Variants in DCUN1D2 observed in about 807,000 individuals in gnomAD.
The protein encoded by DCUN1D2 is defective in cullin neddylation 1 domain containing 2.
DCUN1D2 carries 29 observed loss-of-function variants against 30.9 expected under a neutral mutation model. The ratio of observed to expected loss-of-function variants is 0.94; its 90% CI spans 0.70 to 1.28. DCUN1D2 has a LOEUF of 1.28. DCUN1D2 is among the 50% of genes most tolerant of loss of function. The probability of loss-of-function intolerance (pLI) is 0.00; values close to 1 mark genes in which losing one functional copy is unlikely to be tolerated. For missense variants in DCUN1D2, 325 were observed against 316.9 expected (o/e 1.03, Z -0.19); for synonymous variants, 121 against 115.3 (o/e 1.05, Z -0.32).
intron 3 of DCUN1D2, chr13:113,476,208 G>C (rs1357353622): frequency 6.6e-6 from 1 of 152,184 alleles, no homozygotes; most frequent in African/African-American, 2.4e-5. Flanking sequence ...CAACATACCT[G>C]TGAACGTACC....
At chr13:113,485,808 C>T (rs916432736) in intron 1 of DCUN1D2, among the ~76,000 whole-genome samples, 6 of 152,108 alleles carry the variant, frequency 3.9e-5, no homozygotes, top group Non-Finnish European at 7.4e-5. Flanking sequence ...AGGAGTCCCA[C>T]AGAACTACCT....
At chr13:113,489,525 C>A (rs1356653278) in intron 1 of DCUN1D2, among the ~76,000 whole-genome samples, 1 of 152,116 alleles carries the variant, frequency 6.6e-6, no homozygotes, top group Non-Finnish European at 1.5e-5. Context: ...ATTCTAGTGT[C>A]CTGGTTTCTC....
chr13:113,475,375 A>C (rs985999549), intron 3 of DCUN1D2: 5 of 152,298 alleles, frequency 3.3e-5, no homozygotes, highest in Non-Finnish European at 7.3e-5. Flanking sequence ...AGAACTGAGG[A>C]CAGTCACCTG....
intron 1 of DCUN1D2, among the ~76,000 whole-genome samples, chr13:113,484,612 T>G (rs2044769602): frequency 6.6e-6 from 1 of 152,236 alleles, no homozygotes; most frequent in South Asian, 2.1e-4. Flanking sequence ...CTGTTATGAT[T>G]AAATGGAAAC....
At chr13:113,491,504 C>T (rs2045045749), upstream of DCUN1D2, among the ~76,000 whole-genome samples, 1 of 151,262 alleles carries the variant, frequency 6.6e-6, no homozygotes, top group South Asian at 2.1e-4. Context: ...TTCCCTCCCT[C>T]CCTGGGGCTC....
At chr13:113,489,455 T>C (rs1035068313) in intron 1 of DCUN1D2, among the ~76,000 whole-genome samples, 20 of 152,322 alleles carry the variant, frequency 1.3e-4, no homozygotes, top group African/African-American at 4.3e-4. Flanking sequence ...AGCTGCTCTT[T>C]TGTTCAGCAC....
Position 113,483,828 on chromosome 13 carries a change from G to T in DCUN1D2, c.220+12C>A. ...CCGACATCCGTCCGGCTTTGCTGCA[G>T]TCTCCTCTTACCTTTGTACCTGCCG... On this transcript the variant is annotated intron_variant, in intron 2 of 6. Coordinates refer to ENST00000478244, the MANE Select transcript of DCUN1D2 (RefSeq NM_001014283.2). 6.2e-7 allele frequency: 1 copy of T among 1,609,640 alleles called. No individual in the cohort carries two copies. Among genetic ancestry groups the T allele is most frequent in the Non-Finnish European group, 8.5e-7 (1 of 1,178,192 alleles).
rs1004364150 is a variant in DCUN1D2 at position 113,456,124 on chromosome 13, G to C, written c.*1905C>G. ...GTTTTTGAGGTTTGTATTAATGCCA[G>C]TTTTTATTGTATTAGACAAATGCTC... is the stretch of plus-strand genomic sequence containing the variant. On this transcript the variant is annotated 3_prime_UTR_variant, in exon 7 of 7. Transcript: ENST00000478244. 4.5e-5 allele frequency: 18 copies of C among 398,304 alleles called. No homozygotes were observed. Among genetic ancestry groups the C allele is most frequent in the African/African-American group, 2.9e-4 (14 of 48,632 alleles). The allele number at this position is 398,304 out of a possible 1,614,324, so 24.7% of individuals were successfully genotyped here. A position where few individuals can be genotyped will look rare whatever the true frequency, so the allele number is the denominator to read the frequency against.
chr13:113,476,905 G>A (rs534885674), intron 3 of DCUN1D2, among the ~76,000 whole-genome samples: 71 of 152,212 alleles, frequency 4.7e-4, no homozygotes, highest in Non-Finnish European at 8.5e-4. Context: ...TTGAAAAACC[G>A]TCTTTCTCCA....
chr13:113,459,559 A>T (rs1414583379), intron 5 of DCUN1D2, 151 bp from the exon 6 acceptor site: 1 of 506,572 alleles, frequency 2.0e-6, no homozygotes, highest in African/African-American at 1.9e-5. Flanking sequence ...AGCGTTCTGT[A>T]TAAATGTTAA....
chr13:113,484,235 A>C (rs942191570), intron 1 of DCUN1D2, 179 bp from the exon 2 acceptor site: 1 of 1,353,798 alleles, frequency 7.4e-7, no homozygotes, highest in African/African-American at 1.5e-5. Context: ...TGTAACAAAC[A>C]GGCAGTCTAA....
chr13:113,465,870 C>T (rs113677961), intron 4 of DCUN1D2, among the ~76,000 whole-genome samples: 13 of 141,004 alleles, frequency 9.2e-5, no homozygotes, highest in African/African-American at 3.6e-4. Flanking sequence ...TATATATAGA[C>T]AGATATATAT....
chr13:113,457,964 A>T lies in DCUN1D2; in HGVS notation c.*65T>A. On this transcript the variant is annotated 3_prime_UTR_variant, in exon 7 of 7. Coordinates refer to ENST00000478244, the MANE Select transcript of DCUN1D2 (RefSeq NM_001014283.2). Reference sequence around the variant, plus strand: ...GGAATCAGCGACAATGCACCCAGGAACTGACTGCAATCTCCTTGCAGGATA... The same window carrying T: ...GGAATCAGCGACAATGCACCCAGGATCTGACTGCAATCTCCTTGCAGGATA... 7.0e-7 allele frequency: 1 copy of T among 1,423,088 alleles called. No individual in the cohort carries two copies. The highest frequency in any genetic ancestry group is 1.1e-5 in the South Asian group (1 of 87,210). The allele number at this position is 1,423,088 out of a possible 1,614,324, so 88.2% of individuals were successfully genotyped here.
chr13:113,466,801 ATTTTTTTTTTTTT>A (rs112063279), intron 4 of DCUN1D2, among the ~76,000 whole-genome samples: 1 of 109,798 alleles, frequency 9.1e-6, no homozygotes, highest in Non-Finnish European at 1.8e-5. Flanking sequence ...TGTCCTTTGG[ATTTTTTTTTTTTT>A]TTTTTTTTTT....
At chr13:113,458,236 T>G in intron 6 of DCUN1D2, 128 bp from the exon 7 acceptor site, 1 of 822,036 alleles carries the variant, frequency 1.2e-6, no homozygotes, top group East Asian at 2.5e-5. Flanking sequence ...ACCATTTGTG[T>G]TTCACAGAAT....
intron 2 of DCUN1D2, among the ~76,000 whole-genome samples, chr13:113,483,616 G>A (rs1225800941): frequency 6.6e-6 from 1 of 152,164 alleles, no homozygotes; most frequent in African/African-American, 2.4e-5. Context: ...CTGCCCCATC[G>A]CTGACTCCAC....
intron 6 of DCUN1D2, 116 bp downstream of exon 6, chr13:113,459,196 G>T: frequency 1.5e-6 from 1 of 647,074 alleles, no homozygotes; most frequent in Non-Finnish European, 2.8e-6. Flanking sequence ...AAGGAAGGGG[G>T]TAGTATTATG....
At chr13:113,485,825 G>T (rs574704288) in intron 1 of DCUN1D2, among the ~76,000 whole-genome samples, 1 of 152,130 alleles carries the variant, frequency 6.6e-6, no homozygotes, top group Non-Finnish European at 1.5e-5. Context: ...ACCTTCCCGA[G>T]CGTCCTAAGC....
At chr13:113,484,604 G>A (rs2139743566) in intron 1 of DCUN1D2, among the ~76,000 whole-genome samples, 1 of 152,198 alleles carries the variant, frequency 6.6e-6, no homozygotes, top group East Asian at 1.9e-4. Context: ...AAAAAAACCT[G>A]TTATGATTAA....
Sources: gnomAD v4.1 joint callset for allele counts (sites outside exome capture counted in the v4.1 genomes callset) on GRCh38, gnomAD v4.1.1 for gene constraint, MANE v1.5 for transcripts, NCBI Gene and HGNC (gene_info 2026-07-23, HGNC 2026-07-21) for gene names.